The following KCNB2 variants were observed in gnomAD, a reference collection of about 807,000 sequenced individuals.
KCNB2 encodes the protein delayed rectifier potassium channel protein.
KCNB2 carries 15 observed loss-of-function variants against 61.5 expected under a neutral mutation model. That is an observed-to-expected ratio of 0.24 (90% CI 0.16 to 0.38). The LOEUF (loss-of-function observed/expected upper bound fraction) is 0.38. KCNB2 is among the 10% of genes least tolerant of loss of function. The pLI, the probability that KCNB2 is intolerant of heterozygous loss-of-function variation, is 1.00. For missense variants in KCNB2, 828 were observed against 1,125.2 expected, an observed-to-expected ratio of 0.74 and a Z score of 3.78; for synonymous variants, 457 against 446.0, an observed-to-expected ratio of 1.02 and a Z score of -0.31.
chr8:72,937,749 A>C lies in KCNB2; in HGVS notation c.2394A>C (p.Ser798=), dbSNP rs769611234. Residue 798 remains serine, a synonymous_variant, in exon 3 of 3, where the codon TCA becomes TCC. Coordinates refer to ENST00000523207, the MANE Select transcript of KCNB2 (RefSeq NM_004770.3). ...FPKQKLFPFS[S]RERRSFTEID... ...AGCAGAAACTGTTCCCTTTCTCTTC[A>C]AGAGAGAGGAGGAGCTTCACTGAAA... is the stretch of plus-strand genomic sequence containing the variant. 2 of 1,613,926 alleles carry C rather than the reference A, an allele frequency of 1.2e-6. No individual in the cohort carries two copies. The highest frequency in any genetic ancestry group is 1.7e-6 in the Non-Finnish European group (2 of 1,180,016).
At chr8:72,915,572 A>T (rs1195758285) in intron 2 of KCNB2, among the ~76,000 whole-genome samples, 1 of 152,134 alleles carries the variant, frequency 6.6e-6, no homozygotes, top group Admixed American at 6.5e-5. Flanking sequence ...TGGGGGGGAA[A>T]ACTTTAATTT....
intron 2 of KCNB2, among the ~76,000 whole-genome samples, chr8:72,886,324 G>A (rs75807932): frequency 1.7e-3 from 254 of 152,206 alleles, no homozygotes; most frequent in Non-Finnish European, 3.1e-3. Flanking sequence ...TCACATTTCT[G>A]TTATCCTAAA....
rs1166115913 is a variant in KCNB2 at position 72,859,932 on chromosome 8, T to C, written c.580-76003T>C. Among the ~76,000 whole-genome samples, 3 of 79,812 alleles carry C rather than the reference T, an allele frequency of 3.8e-5. No homozygotes were observed. In the East Asian group the frequency reaches 8.7e-4, roughly 23 times the overall value. The allele number at this position is 79,812 out of a possible 152,430, so 52.4% of individuals were successfully genotyped here. A position where few individuals can be genotyped will look rare whatever the true frequency, so the allele number is the denominator to read the frequency against. On this transcript the variant is annotated intron_variant, in intron 2 of 2. Transcript: ENST00000523207. ...CAGGGTTTCTCCATGTTCGTCAGCC[T>C]GGTCTCAAACTCCCGACCTCAGGTG...
intron 1 of KCNB2, among the ~76,000 whole-genome samples, chr8:72,553,559 A>C (rs898369464): frequency 2.0e-5 from 3 of 152,062 alleles, no homozygotes; most frequent in African/African-American, 4.8e-5. Context: ...ATATTAACTT[A>C]CTTTTGAGAT....
chr8:72,597,091 T>G (rs1038637704), intron 2 of KCNB2, among the ~76,000 whole-genome samples: 4 of 141,708 alleles, frequency 2.8e-5, no homozygotes, highest in Non-Finnish European at 6.0e-5. Flanking sequence ...TGGCACGATC[T>G]CGGCTCACTG....
intron 2 of KCNB2, among the ~76,000 whole-genome samples, chr8:72,784,207 C>A (rs1222344343): frequency 6.6e-6 from 1 of 152,084 alleles, no homozygotes; most frequent in East Asian, 1.9e-4. Context: ...AGAACTTCTT[C>A]ATCTTATAAC....
intron 2 of KCNB2, among the ~76,000 whole-genome samples, chr8:72,684,207 T>C (rs1404558980): frequency 6.6e-6 from 1 of 152,228 alleles, no homozygotes; most frequent in African/African-American, 2.4e-5. Flanking sequence ...TCTGGGTGGC[T>C]TTCAAGTTCC....
intron 2 of KCNB2, among the ~76,000 whole-genome samples, chr8:72,835,093 C>A (rs1338264749): frequency 6.6e-6 from 1 of 152,054 alleles, no homozygotes; most frequent in African/African-American, 2.4e-5. Context: ...GGAAATTAAG[C>A]AAATGGAGCA....
chr8:72,847,791 G>C (rs899535870), intron 2 of KCNB2, among the ~76,000 whole-genome samples: 5 of 152,106 alleles, frequency 3.3e-5, no homozygotes, highest in African/African-American at 1.2e-4. Context: ...TAATATCCCA[G>C]ATATTCCAGG....
At position 72,798,552 on chromosome 8, in the gene KCNB2, C is replaced by T. The variant is rs184183405; in HGVS notation, c.580-137383C>T. 4.3e-3 allele frequency among the ~76,000 whole-genome samples: 660 copies of T among 152,190 alleles called. 4 individuals are homozygous for T. The highest frequency in any genetic ancestry group is 0.015 in the African/African-American group (616 of 41,538). On this transcript the variant is annotated intron_variant, in intron 2 of 2. Coordinates refer to ENST00000523207, the MANE Select transcript of KCNB2 (RefSeq NM_004770.3). ...TAGCTAAATATTAAAACCTACCTCC[C>T]GTAACTTGGGAATCCTGGTCAAATT...
Position 72,801,702 on chromosome 8 carries a change from GACC to G in KCNB2, c.580-134228_580-134226del, listed in dbSNP as rs1219370122. On this transcript the variant is annotated intron_variant, in intron 2 of 2. Transcript: ENST00000523207. ...TAGAGGTAGAATCAGGGTGCAATAAGACCACCAAGGAGGAGGTTCTTTACCTTG... is the reference window on the plus strand; with the variant it reads ...TAGAGGTAGAATCAGGGTGCAATAAGACCAAGGAGGAGGTTCTTTACCTTG... Among the ~76,000 whole-genome samples the G allele has an allele frequency of 2.4e-4, 36 of 152,012 alleles. 1 individual carries two copies. Among genetic ancestry groups the G allele is most frequent in the Non-Finnish European group, 4.3e-4 (29 of 68,006 alleles).
At chr8:72,858,978 C>A (rs1041692472) in intron 2 of KCNB2, among the ~76,000 whole-genome samples, 1 of 152,098 alleles carries the variant, frequency 6.6e-6, no homozygotes, top group African/African-American at 2.4e-5. Flanking sequence ...TTTGTTTGCC[C>A]CCATCACAAA....
intron 2 of KCNB2, among the ~76,000 whole-genome samples, chr8:72,639,428 C>CAT (rs1806017673): frequency 1.3e-5 from 2 of 152,144 alleles, no homozygotes; most frequent in African/African-American, 4.8e-5. Flanking sequence ...CTTAATATTT[C>CAT]ACATTTTCTT....
chr8:72,546,703 C>G (rs1806264286), intron 1 of KCNB2, among the ~76,000 whole-genome samples: 1 of 152,152 alleles, frequency 6.6e-6, no homozygotes, highest in Admixed American at 6.5e-5. Context: ...ATGATCACAG[C>G]TCACTGCAGC....
intron 2 of KCNB2, among the ~76,000 whole-genome samples, chr8:72,668,544 G>A (rs192636634): frequency 6.6e-5 from 10 of 152,230 alleles, no homozygotes; most frequent in Non-Finnish European, 1.3e-4. Flanking sequence ...CTCACCAGCC[G>A]GCAGTTCCTA....
chr8:72,671,594 TGCCA>T lies in KCNB2; in HGVS notation c.579+103286_579+103289del, dbSNP rs370533950. 1.7e-3 allele frequency among the ~76,000 whole-genome samples: 266 copies of T among 152,302 alleles called. 2 individuals carry two copies. The highest frequency in any genetic ancestry group is 6.0e-3 in the African/African-American group (248 of 41,570). ...ATATATGAAGGAGAATACAGCAGACTGCCAGCCATAATGCCTCCATCTTCCATCC... is the reference window on the plus strand; with the variant it reads ...ATATATGAAGGAGAATACAGCAGACTGCCATAATGCCTCCATCTTCCATCC... On this transcript the variant is annotated intron_variant, in intron 2 of 2. Transcript: ENST00000523207.
intron 2 of KCNB2, among the ~76,000 whole-genome samples, chr8:72,890,002 C>T (rs1585955158): frequency 2.6e-5 from 4 of 152,150 alleles, no homozygotes; most frequent in Admixed American, 6.6e-5. Context: ...CCACCTTAGC[C>T]TCCCAAAGTG....
chr8:72,749,309 C>T (rs1190297453), intron 2 of KCNB2: 3 of 151,620 alleles, frequency 2.0e-5, no homozygotes, highest in Admixed American at 6.6e-5. Context: ...TTAGAAGAGA[C>T]GAGGTCTCAA....
chr8:72,748,739 G>A (rs1331105263), intron 2 of KCNB2, among the ~76,000 whole-genome samples: 3 of 146,038 alleles, frequency 2.1e-5, no homozygotes, highest in African/African-American at 5.1e-5. Context: ...TATTTTTATT[G>A]ACAACAATAT....
Sources: gnomAD v4.1 joint callset for allele counts (sites outside exome capture counted in the v4.1 genomes callset) on GRCh38, gnomAD v4.1.1 for gene constraint, MANE v1.5 for transcripts, NCBI Gene and HGNC (gene_info 2026-07-23, HGNC 2026-07-21) for gene names.